The following MACROD2 variants were observed in gnomAD, a reference collection of about 807,000 sequenced individuals.
MACROD2 encodes the protein ADP-ribose glycohydrolase MACROD2.
A neutral mutation model predicts 70.4 loss-of-function variants in MACROD2; 36 were observed. The ratio of observed to expected loss-of-function variants is 0.51; its 90% CI spans 0.39 to 0.68. MACROD2 has a LOEUF of 0.68. Ranked by LOEUF, MACROD2 falls within the 30% of genes least tolerant of loss-of-function variation. The pLI, the probability that MACROD2 is intolerant of heterozygous loss-of-function variation, is 0.00. For missense variants in MACROD2, 496 were observed against 538.4 expected (o/e 0.92, Z 0.78); for synonymous variants, 172 against 178.8 (o/e 0.96, Z 0.30).
rs11438756 is a variant in MACROD2, at chr20:15,896,536, CT to C, written c.775+10739del. On this transcript the variant is annotated intron_variant, in intron 10 of 17. Transcript: ENST00000684519. Reference sequence around the variant, plus strand: ...CCACGCAGTTTGTTAATGTCACAATCTTTTTTTTTTTTTTCTAGAAAAAACA... The same window carrying C: ...CCACGCAGTTTGTTAATGTCACAATCTTTTTTTTTTTTTCTAGAAAAAACA... 6.9e-3 allele frequency among the ~76,000 whole-genome samples: 998 copies of C among 144,816 alleles called. 14 individuals carry two copies. Among genetic ancestry groups the C allele is most frequent in the African/African-American group, 0.023 (911 of 39,600 alleles).
At chr20:15,463,086 CAT>C (rs2046840038) in intron 7 of MACROD2, among the ~76,000 whole-genome samples, 1 of 152,192 alleles carries the variant, frequency 6.6e-6, no homozygotes, top group African/African-American at 2.4e-5. Flanking sequence ...TCTTCATACA[CAT>C]AGGAATTCTC....
intron 5 of MACROD2, among the ~76,000 whole-genome samples, chr20:14,939,311 G>C (rs2074370626): frequency 6.6e-6 from 1 of 151,532 alleles, no homozygotes; most frequent in African/African-American, 2.4e-5. Context: ...TTCTACAAAT[G>C]GTTACCCAAT....
chr20:14,370,756 C>A (rs2083314883), intron 3 of MACROD2, among the ~76,000 whole-genome samples: 1 of 152,080 alleles, frequency 6.6e-6, no homozygotes, highest in Non-Finnish European at 1.5e-5. Flanking sequence ...ATTTAATTTC[C>A]TTTTAAGGGA....
intron 1 of MACROD2, among the ~76,000 whole-genome samples, chr20:14,000,615 A>G (rs538559231): frequency 6.6e-6 from 1 of 152,326 alleles, no homozygotes; most frequent in Non-Finnish European, 1.5e-5. Context: ...GACCATTGGT[A>G]TGGTATGGGA....
intron 8 of MACROD2, among the ~76,000 whole-genome samples, chr20:15,816,967 A>G (rs559946333): frequency 6.6e-6 from 1 of 152,286 alleles, no homozygotes; most frequent in East Asian, 1.9e-4. Flanking sequence ...TTCAATACCT[A>G]CTTGTCCACG....
At chr20:15,277,898 C>T (rs564638732) in intron 6 of MACROD2, among the ~76,000 whole-genome samples, 21 of 152,014 alleles carry the variant, frequency 1.4e-4, no homozygotes, top group Non-Finnish European at 2.2e-4. Context: ...TGTTTCTGTT[C>T]GCTTTTCTAA....
intron 15 of MACROD2, 118 bp downstream of exon 15, chr20:15,987,276 C>A: frequency 1.3e-6 from 1 of 790,998 alleles, no homozygotes; most frequent in Non-Finnish European, 2.0e-6. Flanking sequence ...GGAAAACGAA[C>A]ATTTCCTTAA....
At chr20:15,309,280 G>T (rs1250532581) in intron 6 of MACROD2, among the ~76,000 whole-genome samples, 2 of 152,168 alleles carry the variant, frequency 1.3e-5, no homozygotes, top group African/African-American at 4.8e-5. Context: ...ATTTTGTCAA[G>T]TTATACATCT....
Position 14,955,470 on chromosome 20 carries a change from C to T in MACROD2, c.418+270511C>T, listed in dbSNP as rs139815160. 4.6e-3 allele frequency among the ~76,000 whole-genome samples: 697 copies of T among 151,394 alleles called. 23 individuals carry two copies. Among genetic ancestry groups the T allele is most frequent in the Admixed American group, 0.039 (584 of 15,078 alleles). On this transcript the variant is annotated intron_variant, in intron 5 of 17. Coordinates refer to ENST00000684519, the MANE Select transcript of MACROD2 (RefSeq NM_001351661.2). ...TGCCCTCCACACAAGTTAGTGTTATCGTATATTGCGATATGTCTGCCATCA... is the reference window on the plus strand; with the variant it reads ...TGCCCTCCACACAAGTTAGTGTTATTGTATATTGCGATATGTCTGCCATCA...
intron 4 of MACROD2, among the ~76,000 whole-genome samples, chr20:14,613,523 T>G (rs986838831): frequency 2.0e-5 from 3 of 151,988 alleles, no homozygotes; most frequent in African/African-American, 7.2e-5. Context: ...ATCCAATTAT[T>G]TACTTGACAT....
chr20:15,074,409 T>C (rs1644500813), intron 5 of MACROD2, among the ~76,000 whole-genome samples: 1 of 152,210 alleles, frequency 6.6e-6, no homozygotes, highest in East Asian at 1.9e-4. Flanking sequence ...GGTACCCCCC[T>C]GGAAGGGGCT....
rs568622127 is a variant in MACROD2 at position 14,025,645 on chromosome 20, T to A, written c.163+23241T>A. Reference sequence around the variant, plus strand: ...GCAGGTTGTTTAGTTTCCATGTAGTTGTGTGGTTTTGAGTGAATTTCTTAA... The same window carrying A: ...GCAGGTTGTTTAGTTTCCATGTAGTAGTGTGGTTTTGAGTGAATTTCTTAA... On this transcript the variant is annotated intron_variant, in intron 2 of 17. Coordinates refer to ENST00000684519, the MANE Select transcript of MACROD2 (RefSeq NM_001351661.2). Among the ~76,000 whole-genome samples, 3 of 152,326 alleles carry A rather than the reference T, an allele frequency of 2.0e-5. No individual in the cohort carries two copies. In the South Asian group the frequency reaches 6.2e-4, roughly 32 times the overall value.
intron 5 of MACROD2, among the ~76,000 whole-genome samples, chr20:14,965,466 T>C (rs1461308378): frequency 8.3e-5 from 11 of 132,194 alleles, no homozygotes; most frequent in Non-Finnish European, 1.5e-4. Context: ...TTTTTTTTTT[T>C]TTTTTTTTTT....
rs113157728 is a variant in MACROD2 at position 15,163,881 on chromosome 20, T to C, written c.419-66059T>C. 8.4e-3 allele frequency among the ~76,000 whole-genome samples: 1,277 copies of C among 152,216 alleles called. 20 individuals carry two copies. Among genetic ancestry groups the C allele is most frequent in the African/African-American group, 0.029 (1,217 of 41,538 alleles). On this transcript the variant is annotated intron_variant, in intron 5 of 17. Coordinates refer to ENST00000684519, the MANE Select transcript of MACROD2 (RefSeq NM_001351661.2). ...TATGTCATCATTCAATAAATATTTA[T>C]CAAAACCCATTATATGCTGGGCAAT...
intron 8 of MACROD2, among the ~76,000 whole-genome samples, chr20:15,621,820 T>A (rs896251188): frequency 2.0e-5 from 3 of 152,224 alleles, no homozygotes; most frequent in African/African-American, 7.2e-5. Context: ...ACGCAGAATG[T>A]ACTTTTAATA....
chr20:15,139,391 G>GT (rs111669958), intron 5 of MACROD2, among the ~76,000 whole-genome samples: 6 of 151,836 alleles, frequency 4.0e-5, no homozygotes, highest in Admixed American at 2.0e-4. Context: ...TGGTGGGGGG[G>GT]TGTCGTAGGG....
chr20:15,782,123 G>A (rs1401693513), intron 8 of MACROD2, among the ~76,000 whole-genome samples: 1 of 152,026 alleles, frequency 6.6e-6, no homozygotes, highest in Non-Finnish European at 1.5e-5. Context: ...TTCTATTGGA[G>A]AAAAATGATG....
chr20:15,743,491 C>G (rs1397247742), intron 8 of MACROD2, among the ~76,000 whole-genome samples: 1 of 152,118 alleles, frequency 6.6e-6, no homozygotes, highest in Non-Finnish European at 1.5e-5. Flanking sequence ...CTCAATTTTT[C>G]ATTTTTGCTT....
intron 6 of MACROD2, among the ~76,000 whole-genome samples, chr20:15,361,886 T>A (rs1297109233): frequency 6.6e-6 from 1 of 152,222 alleles, no homozygotes; most frequent in Admixed American, 6.5e-5. Flanking sequence ...TAAAATTGAT[T>A]TTTTTGTTAC....
Sources: gnomAD v4.1 joint callset for allele counts (sites outside exome capture counted in the v4.1 genomes callset) on GRCh38, gnomAD v4.1.1 for gene constraint, MANE v1.5 for transcripts, NCBI Gene and HGNC (gene_info 2026-07-23, HGNC 2026-07-21) for gene names.